The following AKR1C3 variants were observed in gnomAD, a reference collection of about 807,000 sequenced individuals.
AKR1C3 encodes the protein 3-alpha hydroxysteroid dehydrogenase, type II.
Under a neutral mutation model 43.6 loss-of-function variants are expected in AKR1C3, and 48 were observed. The ratio of observed to expected loss-of-function variants is 1.10; its 90% CI spans 0.87 to 1.40. AKR1C3 has a LOEUF of 1.40. AKR1C3 is among the 40% of genes most tolerant of loss of function. The pLI, the probability that AKR1C3 is intolerant of heterozygous loss-of-function variation, is 0.00. For missense variants in AKR1C3, 482 were observed against 391.2 expected (o/e 1.23, Z -1.96); for synonymous variants, 162 against 139.6 (o/e 1.16, Z -1.13).
Position 5,097,485 on chromosome 10 carries a change from T to C in AKR1C3, c.304T>C (p.Ser102Pro), listed in dbSNP as rs1839235111. Reference protein sequence around the residue: ...PELVRPALENSLKKAQLDYVD... With the variant: ...PELVRPALENPLKKAQLDYVD... ...GTTGGTCCGACCAGCCTTGGAAAAC[T>C]CACTGAAGAAAGCTCAATTGGACTA... The change falls in exon 3 of 9, where the codon TCA (serine) becomes CCA (proline). Residue 102 changes from serine to proline, a missense_variant. By Grantham distance (74) the Ser-to-Pro change is moderately conservative. Coordinates refer to ENST00000380554, the MANE Select transcript of AKR1C3 (RefSeq NM_003739.6). The C allele has an allele frequency of 6.2e-7, 1 of 1,613,776 alleles. No individual in the cohort carries two copies. The highest frequency in any genetic ancestry group is 1.1e-5 in the South Asian group (1 of 91,084).
At chr10:5,068,721 G>A (rs1554781042) in intron 1 of AKR1C3, among the ~76,000 whole-genome samples, 1 of 152,162 alleles carries the variant, frequency 6.6e-6, no homozygotes. Flanking sequence ...GGGACTCAGG[G>A]GGATCTTCAG....
At chr10:5,105,856 G>T (rs1355959145) in intron 8 of AKR1C3, among the ~76,000 whole-genome samples, 179 bp downstream of exon 8, 1 of 152,170 alleles carries the variant, frequency 6.6e-6, no homozygotes, top group African/African-American at 2.4e-5. Flanking sequence ...AGTGGGCAGG[G>T]ATCAGCATGG....
rs781827944 is a variant in AKR1C3 at position 5,102,503 on chromosome 10, G to A, written c.699G>A (p.Pro233=). Residue 233 remains proline, a synonymous_variant, in exon 7 of 9, where the codon CCG becomes CCA. Coordinates refer to ENST00000380554, the MANE Select transcript of AKR1C3 (RefSeq NM_003739.6). ...CTTCCAGGGTGGACCCGAACTCCCC[G>A]GTGCTCTTGGAGGACCCAGTCCTTT... is the stretch of plus-strand genomic sequence containing the variant. ...RDKRWVDPNS[P]VLLEDPVLCA... The A allele has an allele frequency of 4.0e-5, 63 of 1,562,408 alleles. No individual in the cohort carries two copies. Among genetic ancestry groups the A allele is most frequent in the Non-Finnish European group, 4.9e-5 (57 of 1,156,604 alleles).
At chr10:5,083,929 G>T (rs1838896250) in intron 1 of AKR1C3, among the ~76,000 whole-genome samples, 1 of 152,100 alleles carries the variant, frequency 6.6e-6, no homozygotes, top group Non-Finnish European at 1.5e-5. Context: ...GGGGTTGTTT[G>T]TTTTTTCCCT....
intron 1 of AKR1C3, among the ~76,000 whole-genome samples, chr10:5,076,573 A>G (rs1012083099): frequency 3.3e-5 from 5 of 152,164 alleles, no homozygotes; most frequent in Non-Finnish European, 7.3e-5. Flanking sequence ...GGCTTCATCT[A>G]CATTTTTCTT....
chr10:5,075,497 A>G (rs1478188125), intron 1 of AKR1C3, among the ~76,000 whole-genome samples: 1 of 151,988 alleles, frequency 6.6e-6, no homozygotes, highest in East Asian at 1.9e-4. Flanking sequence ...ACCCTGTCGG[A>G]CCATAAAGGA....
At chr10:5,083,260 A>C (rs1838876054) in intron 1 of AKR1C3, among the ~76,000 whole-genome samples, 1 of 151,808 alleles carries the variant, frequency 6.6e-6, no homozygotes, top group Non-Finnish European at 1.5e-5. Context: ...CCAGAGTGTG[A>C]TGTTCCCCTT....
chr10:5,084,753 T>C (rs576791285), intron 1 of AKR1C3, among the ~76,000 whole-genome samples: 14 of 152,330 alleles, frequency 9.2e-5, no homozygotes, highest in Admixed American at 9.1e-4. Flanking sequence ...TTTATTTCAT[T>C]GAGTAGTGGT....
At chr10:5,072,948 T>C (rs1273079287) in intron 1 of AKR1C3, among the ~76,000 whole-genome samples, 4 of 152,166 alleles carry the variant, frequency 2.6e-5, no homozygotes. Flanking sequence ...GGTTTAATGC[T>C]TTTTAAATTT....
upstream of AKR1C3, among the ~76,000 whole-genome samples, chr10:5,090,074 C>T (rs78322545): frequency 4.0e-4 from 61 of 152,102 alleles, 1 homozygote; most frequent in East Asian, 0.012. Flanking sequence ...TGAGTAAGAG[C>T]CAGCTGTGCC....
upstream of AKR1C3, among the ~76,000 whole-genome samples, chr10:5,091,787 C>G (rs569385402): frequency 6.6e-6 from 1 of 152,084 alleles, no homozygotes; most frequent in African/African-American, 2.4e-5. Context: ...TTTATACTTA[C>G]TTGTACACAT....
chr10:5,093,481 A>G (rs1441206892), upstream of AKR1C3: 1 of 152,150 alleles, frequency 6.6e-6, no homozygotes, highest in African/African-American at 2.4e-5. Flanking sequence ...TGCAAACTAC[A>G]TTCATCATGT....
At chr10:5,091,438 G>C (rs558492282), upstream of AKR1C3, among the ~76,000 whole-genome samples, 2 of 152,088 alleles carry the variant, frequency 1.3e-5, no homozygotes, top group Non-Finnish European at 2.9e-5. Context: ...TCTAATGTTA[G>C]GTAATACATG....
At chr10:5,054,898 C>G (rs555107320) in intron 1 of AKR1C3, among the ~76,000 whole-genome samples, 2 of 152,226 alleles carry the variant, frequency 1.3e-5, no homozygotes, top group Non-Finnish European at 2.9e-5. Context: ...CAGTGTAAGA[C>G]TCCCACCTCC....
intron 1 of AKR1C3, among the ~76,000 whole-genome samples, chr10:5,062,556 G>T (rs1554780344): frequency 2.0e-5 from 3 of 152,162 alleles, no homozygotes; most frequent in Non-Finnish European, 2.9e-5. Flanking sequence ...AGCAAACCAT[G>T]TAAACCAGTG....
chr10:5,053,226 A>T (rs971044237), intron 1 of AKR1C3, among the ~76,000 whole-genome samples: 1 of 152,224 alleles, frequency 6.6e-6, no homozygotes, highest in Non-Finnish European at 1.5e-5. Flanking sequence ...CTCCAGCCAC[A>T]CAGGAGCCCA....
intron 1 of AKR1C3, among the ~76,000 whole-genome samples, chr10:5,049,990 T>C (rs746786730): frequency 2.3e-4 from 35 of 152,300 alleles, no homozygotes; most frequent in Non-Finnish European, 4.4e-4. Context: ...TACTACTGTC[T>C]AGTGGACACA....
intron 1 of AKR1C3, among the ~76,000 whole-genome samples, chr10:5,095,070 GA>G (rs1839176559): frequency 6.7e-6 from 1 of 150,002 alleles, no homozygotes; most frequent in Non-Finnish European, 1.5e-5. Context: ...CTTCCTGAAA[GA>G]AAAAAATACC....
intron 8 of AKR1C3, among the ~76,000 whole-genome samples, chr10:5,106,772 G>T: frequency 6.8e-6 from 1 of 147,632 alleles, no homozygotes; most frequent in Middle Eastern, 3.4e-3. Flanking sequence ...AAAGCAGGAA[G>T]TTATGTAACT....
Sources: gnomAD v4.1 joint callset for allele counts (sites outside exome capture counted in the v4.1 genomes callset) on GRCh38, gnomAD v4.1.1 for gene constraint, MANE v1.5 for transcripts, NCBI Gene and HGNC (gene_info 2026-07-23, HGNC 2026-07-21) for gene names.